Variants in LRRC7 observed in about 807,000 individuals in gnomAD.
The protein encoded by LRRC7 is leucine-rich repeat-containing protein 7.
In LRRC7, 23 loss-of-function variants were observed where a neutral mutation model predicts 175.7. The ratio of observed to expected loss-of-function variants is 0.13; its 90% CI spans 0.09 to 0.19. The LOEUF is 0.19. Ranked by LOEUF, LRRC7 falls within the 10% of genes least tolerant of loss-of-function variation. The pLI is 1.00. For synonymous variants in LRRC7, 685 were observed against 680.9 expected (o/e 1.01, Z -0.09); for missense variants, 1,354 against 1,904.7 (o/e 0.71, Z 5.38).
rs1221698854 is a variant in LRRC7 at position 69,659,740 on chromosome 1, C to T, written c.3-18641C>T. Among the ~76,000 whole-genome samples, 7 of 94,618 alleles carry T rather than the reference C, an allele frequency of 7.4e-5. 1 individual carries two copies. In the East Asian group the frequency reaches 2.1e-3, roughly 29 times the overall value. The allele number at this position is 94,618 out of a possible 152,430, so 62.1% of individuals were successfully genotyped here. On this transcript the variant is annotated intron_variant, in intron 1 of 26. Coordinates refer to ENST00000651989, the MANE Select transcript of LRRC7 (RefSeq NM_001370785.2). The stretch of plus-strand genomic sequence containing the variant: ...AAAGAAAATTCTAAAGGATGAAGTT[C>T]AGAAAGAAGGAAGATAATCAAAAGC...
chr1:69,601,970 A>G (rs1439908943), intron 1 of LRRC7, among the ~76,000 whole-genome samples: 1 of 152,210 alleles, frequency 6.6e-6, no homozygotes, highest in Non-Finnish European at 1.5e-5. Flanking sequence ...CATTATTTAA[A>G]TAAGAAAACT....
intron 22 of LRRC7, among the ~76,000 whole-genome samples, chr1:70,044,772 C>A (rs1473923768): frequency 1.3e-5 from 2 of 152,124 alleles, no homozygotes; most frequent in East Asian, 3.9e-4. Context: ...TTGTTTAATT[C>A]AGCCAAAACT....
At chr1:69,648,375 C>T (rs1229360329) in intron 1 of LRRC7, among the ~76,000 whole-genome samples, 3 of 152,064 alleles carry the variant, frequency 2.0e-5, no homozygotes, top group African/African-American at 7.2e-5. Flanking sequence ...CTAAGAACGA[C>T]ATACTCACTA....
chr1:70,054,140 A>G (rs1032190681), intron 23 of LRRC7, among the ~76,000 whole-genome samples: 15 of 152,314 alleles, frequency 9.8e-5, no homozygotes, highest in Admixed American at 7.2e-4. Context: ...AAAAATTATC[A>G]TACATGTCAT....
chr1:69,766,781 A>T (rs1344425067), intron 3 of LRRC7, among the ~76,000 whole-genome samples: 1 of 152,148 alleles, frequency 6.6e-6, no homozygotes, highest in Non-Finnish European at 1.5e-5. Context: ...TTAATTGTAA[A>T]TGCTTTCACA....
chr1:69,861,396 A>G (rs2101534232), intron 7 of LRRC7, among the ~76,000 whole-genome samples: 1 of 152,216 alleles, frequency 6.6e-6, no homozygotes. Context: ...TGATTTAGAA[A>G]AAGGAGAATG....
chr1:69,866,964 A>G (rs1187426338), intron 7 of LRRC7, among the ~76,000 whole-genome samples: 1 of 152,212 alleles, frequency 6.6e-6, no homozygotes, highest in African/African-American at 2.4e-5. Context: ...CAGTAGGAGT[A>G]AAATGTCATA....
intron 8 of LRRC7, among the ~76,000 whole-genome samples, chr1:69,937,761 T>C (rs1648196908): frequency 6.6e-6 from 1 of 152,016 alleles, no homozygotes; most frequent in African/African-American, 2.4e-5. Context: ...TGCTTAGGAA[T>C]CACTAGCTAA....
chr1:69,749,976 G>T (rs181099556), intron 2 of LRRC7, among the ~76,000 whole-genome samples: 1 of 151,918 alleles, frequency 6.6e-6, no homozygotes, highest in East Asian at 1.9e-4. Flanking sequence ...CAGGGGAATC[G>T]CTTGAACCCG....
intron 2 of LRRC7, among the ~76,000 whole-genome samples, chr1:69,721,701 A>T (rs1000991887): frequency 2.0e-5 from 3 of 151,762 alleles, no homozygotes; most frequent in Non-Finnish European, 4.4e-5. Context: ...TCCTGTTTTC[A>T]ATTTTTTGCC....
intron 1 of LRRC7, among the ~76,000 whole-genome samples, chr1:69,676,142 T>G (rs747280580): frequency 4.7e-4 from 72 of 151,910 alleles, no homozygotes; most frequent in Non-Finnish European, 6.9e-4. Context: ...AGGAGTAGTA[T>G]TATGTTATTA....
chr1:69,806,727 G>A (rs1057287753), intron 4 of LRRC7, among the ~76,000 whole-genome samples: 3 of 151,898 alleles, frequency 2.0e-5, no homozygotes, highest in Non-Finnish European at 2.9e-5. Context: ...ATATATCTGT[G>A]TTGACTTGAG....
intron 24 of LRRC7, among the ~76,000 whole-genome samples, chr1:70,087,083 T>C (rs557785792): frequency 6.6e-6 from 1 of 152,342 alleles, no homozygotes; most frequent in East Asian, 1.9e-4. Context: ...GTCACATTTA[T>C]AAAACTACAG....
rs1667183432 is a variant in LRRC7, at chr1:70,143,754, C to A, written c.*21867C>A. 6.6e-6 allele frequency: 1 copy of A among 151,958 alleles called. No homozygotes were observed. The highest frequency in any genetic ancestry group is 1.5e-5 in the Non-Finnish European group (1 of 67,958). The allele number at this position is 151,958 out of a possible 1,614,324, so 9.4% of individuals were successfully genotyped here. The stretch of plus-strand genomic sequence containing the variant: ...AATTTTACCATTTTATAAAAAAAAT[C>A]AAATCACAACATGTTTAACTGAAAT... On this transcript the variant is annotated 3_prime_UTR_variant, in exon 27 of 27. Transcript: ENST00000651989.
intron 1 of LRRC7, among the ~76,000 whole-genome samples, chr1:69,594,931 A>G (rs1238010425): frequency 6.6e-6 from 1 of 152,230 alleles, no homozygotes; most frequent in Non-Finnish European, 1.5e-5. Flanking sequence ...TGAAAAAATG[A>G]AGAGTTTTTC....
intron 22 of LRRC7, among the ~76,000 whole-genome samples, chr1:70,045,666 C>G (rs907639203): frequency 2.0e-5 from 3 of 152,158 alleles, no homozygotes; most frequent in African/African-American, 4.8e-5. Context: ...TTAGTCTGCT[C>G]TCACACTGCT....
At chr1:69,886,326 G>A (rs1193682496) in intron 7 of LRRC7, among the ~76,000 whole-genome samples, 2 of 150,404 alleles carry the variant, frequency 1.3e-5, no homozygotes, top group African/African-American at 2.4e-5. Flanking sequence ...ATATATTTAG[G>A]ATAGTTAGCT....
At chr1:69,981,410 A>G (rs1196314783) in intron 9 of LRRC7, among the ~76,000 whole-genome samples, 1 of 152,232 alleles carries the variant, frequency 6.6e-6, no homozygotes, top group Non-Finnish European at 1.5e-5. Flanking sequence ...TGAAACAAAG[A>G]TTATGGAAAA....
chr1:69,608,885 T>C (rs1454094755), intron 1 of LRRC7, among the ~76,000 whole-genome samples: 1 of 139,182 alleles, frequency 7.2e-6, no homozygotes, highest in Non-Finnish European at 1.5e-5. Context: ...TATATATATA[T>C]ATATATATAT....
Sources: allele counts gnomAD v4.1 joint callset (sites outside exome capture counted in the v4.1 genomes callset), GRCh38; gene constraint gnomAD v4.1.1; transcripts MANE v1.5; gene names NCBI Gene and HGNC (gene_info 2026-07-23, HGNC 2026-07-21).